The following RHEX variants were observed in gnomAD, a reference collection of about 807,000 sequenced individuals.
The protein encoded by RHEX is regulator of hemoglobinization and erythroid cell expansion protein.
Under a neutral mutation model 20.1 loss-of-function variants are expected in RHEX, and 18 were observed. That is an observed-to-expected ratio of 0.90 (90% CI 0.62 to 1.33). The LOEUF (loss-of-function observed/expected upper bound fraction) is 1.33. RHEX is among the 40% of genes most tolerant of loss of function. The probability of loss-of-function intolerance (pLI) is 0.00; values close to 1 mark genes in which losing one functional copy is unlikely to be tolerated. For missense variants in RHEX, 192 were observed against 214.3 expected (o/e 0.90, Z 0.65); for synonymous variants, 87 against 77.1 (o/e 1.13, Z -0.67).
intron 4 of RHEX, among the ~76,000 whole-genome samples, chr1:206,100,733 G>T (rs903125062): frequency 6.6e-6 from 1 of 152,208 alleles, no homozygotes. Context: ...GGACTAGAAG[G>T]TGTAACTTCT....
Position 206,098,179 on chromosome 1 carries a change from T to G in RHEX, c.110T>G (p.Met37Arg), listed in dbSNP as rs140952719. 1 of 1,607,630 alleles carries G rather than the reference T, an allele frequency of 6.2e-7. No individual in the cohort carries two copies. Among genetic ancestry groups the G allele is most frequent in the Non-Finnish European group, 8.5e-7 (1 of 1,174,096 alleles). Residue 37 changes from methionine (M) to arginine (R), a missense_variant and splice_region_variant, in exon 3 of 6, where the codon ATG (methionine) becomes AGG (arginine). Met to Arg is a moderately conservative substitution (Grantham distance 91). Transcript: ENST00000331555. ...TAINYLLSRH[M>R]AHKSEQILKA... ...ATCAACTACCTGCTCAGCAGGCACA[T>G]GGGTAACTGGCTCAGCATCCTCTTC... is the stretch of plus-strand genomic sequence containing the variant.
intron 1 of RHEX, among the ~76,000 whole-genome samples, chr1:206,063,451 G>A (rs1473227772): frequency 6.6e-6 from 1 of 152,198 alleles, no homozygotes; most frequent in Non-Finnish European, 1.5e-5. Context: ...AGCCAAAGCT[G>A]GACTATACTG....
intron 1 of RHEX, among the ~76,000 whole-genome samples, chr1:206,069,478 A>G (rs78273618): frequency 0.01 from 1,568 of 152,356 alleles, 32 homozygotes; most frequent in African/African-American, 0.036. Context: ...CAATAACAGT[A>G]GAATGAACAC....
intron 1 of RHEX, among the ~76,000 whole-genome samples, chr1:206,076,145 T>A (rs1296682599): frequency 1.3e-5 from 2 of 151,806 alleles, no homozygotes; most frequent in Non-Finnish European, 2.9e-5. Flanking sequence ...AAAACATGGA[T>A]CACCAGGGAG....
At chr1:206,056,218 C>T (rs1429550587) in intron 1 of RHEX, among the ~76,000 whole-genome samples, 5 of 152,198 alleles carry the variant, frequency 3.3e-5, no homozygotes, top group Non-Finnish European at 5.9e-5. Context: ...CATCCTTAAA[C>T]ATCAGTAGAC....
chr1:206,079,118 C>T (rs951119780), intron 1 of RHEX, among the ~76,000 whole-genome samples: 1 of 152,216 alleles, frequency 6.6e-6, no homozygotes, highest in Admixed American at 6.5e-5. Flanking sequence ...TAAAGTTGTT[C>T]TGAGGATTAA....
intron 1 of RHEX, among the ~76,000 whole-genome samples, chr1:206,073,484 T>C (rs1200483027): frequency 6.6e-6 from 1 of 152,150 alleles, no homozygotes; most frequent in Non-Finnish European, 1.5e-5. Flanking sequence ...ATTATTATTA[T>C]TATCATCTCT....
chr1:206,071,824 C>T (rs1335123293), intron 1 of RHEX, among the ~76,000 whole-genome samples: 1 of 140,032 alleles, frequency 7.1e-6, no homozygotes, highest in Non-Finnish European at 1.5e-5. Flanking sequence ...ACTCTAGCCT[C>T]GGTAACAAAG....
intron 1 of RHEX, among the ~76,000 whole-genome samples, chr1:206,064,650 G>T (rs1553283930): frequency 6.7e-6 from 1 of 149,250 alleles, no homozygotes; most frequent in Non-Finnish European, 1.5e-5. Context: ...CCCGGGGGGA[G>T]GTGGGGGGGT....
At chr1:206,075,485 G>T (rs1662620247) in intron 1 of RHEX, among the ~76,000 whole-genome samples, 1 of 152,102 alleles carries the variant, frequency 6.6e-6, no homozygotes, top group South Asian at 2.1e-4. Flanking sequence ...TTTAAGTAAA[G>T]ATACAGCATT....
At chr1:206,068,652 T>C (rs1356775490) in intron 1 of RHEX, among the ~76,000 whole-genome samples, 4 of 152,226 alleles carry the variant, frequency 2.6e-5, no homozygotes, top group Non-Finnish European at 5.9e-5. Flanking sequence ...TATCTAAAGA[T>C]GCTACAGTTC....
chr1:206,093,450 T>C (rs1662998762), intron 1 of RHEX, among the ~76,000 whole-genome samples: 1 of 152,078 alleles, frequency 6.6e-6, no homozygotes, highest in Non-Finnish European at 1.5e-5. Context: ...TTTGTATTTT[T>C]AGTAGAGACG....
At chr1:206,097,000 C>G (rs951604443) in intron 1 of RHEX, among the ~76,000 whole-genome samples, 1 of 152,082 alleles carries the variant, frequency 6.6e-6, no homozygotes, top group Non-Finnish European at 1.5e-5. Context: ...GTCATGAACT[C>G]CTAGGCTCAA....
At chr1:206,088,701 G>T (rs1402079126) in intron 1 of RHEX, among the ~76,000 whole-genome samples, 1 of 152,318 alleles carries the variant, frequency 6.6e-6, no homozygotes, top group Non-Finnish European at 1.5e-5. Context: ...ACAAATGAAA[G>T]AAATATTCTG....
chr1:206,096,702 G>A (rs1160345643), intron 1 of RHEX, among the ~76,000 whole-genome samples: 1 of 150,142 alleles, frequency 6.7e-6, no homozygotes, highest in African/African-American at 2.5e-5. Context: ...AATCATGCTT[G>A]TGTTTTCTTT....
intron 1 of RHEX, among the ~76,000 whole-genome samples, chr1:206,073,024 G>C (rs1662565349): frequency 1.3e-5 from 2 of 151,910 alleles, no homozygotes; most frequent in Admixed American, 1.3e-4. Flanking sequence ...TTTTGGTAGA[G>C]ACAGGGTTTC....
Position 206,098,897 on chromosome 1 carries a change from A to T in RHEX, c.112+716A>T, listed in dbSNP as rs142036815. Among the ~76,000 whole-genome samples the T allele has an allele frequency of 4.1e-4, 63 of 152,340 alleles. No individual in the cohort carries two copies. The East Asian group carries it at 0.01, about 25-fold the overall frequency. On this transcript the variant is annotated intron_variant, in intron 3 of 5. Coordinates refer to ENST00000331555, the MANE Select transcript of RHEX (RefSeq NM_001007544.4). ...AACAAACAAGATAAACAAGTAAAACATGTATATGCTAGATTATGGTAAGTG... is the reference window on the plus strand; with the variant it reads ...AACAAACAAGATAAACAAGTAAAACTTGTATATGCTAGATTATGGTAAGTG...
intron 1 of RHEX, among the ~76,000 whole-genome samples, chr1:206,079,029 A>T (rs1662686320): frequency 6.6e-6 from 1 of 152,176 alleles, no homozygotes; most frequent in Non-Finnish European, 1.5e-5. Flanking sequence ...TACTTAAACA[A>T]TTCTGTGACA....
chr1:206,083,588 A>T (rs1662779047), intron 1 of RHEX: 1 of 985,336 alleles, frequency 1.0e-6, no homozygotes, highest in Admixed American at 6.2e-5. Context: ...GGTCGGGGAG[A>T]TATTTCCGTT....
Sources: allele counts gnomAD v4.1 joint callset (sites outside exome capture counted in the v4.1 genomes callset), GRCh38; gene constraint gnomAD v4.1.1; transcripts MANE v1.5; gene names NCBI Gene and HGNC (gene_info 2026-07-23, HGNC 2026-07-21).